Variants in KAT2A observed in about 807,000 individuals in gnomAD.
KAT2A encodes histone acetyltransferase KAT2A.
A neutral mutation model predicts 95.2 loss-of-function variants in KAT2A; 42 were observed. That is an observed-to-expected ratio of 0.44 (90% CI 0.34 to 0.57). KAT2A has a LOEUF of 0.57. Among genes scored for constraint, KAT2A ranks in the 20% least tolerant of loss-of-function variants. The pLI is 0.01. For missense variants in KAT2A, 784 were observed against 1,126.3 expected (o/e 0.70, Z 4.35); for synonymous variants, 449 against 448.2 (o/e 1.00, Z -0.02).
rs367632180 is a variant in KAT2A, at chr17:42,119,762, A to G, written c.700-44T>C. On this transcript the variant is annotated intron_variant, in intron 4 of 17. Transcript: ENST00000225916. This position sits in a 1 kb window ranked among gnomAD's most constrained non-coding sequence, Gnocchi z 5.3. ...GGGATAAAACCAGGAATGAGGTGTG[A>G]GCAGCCCGCAGGGCCTTCTTAGACA... is the stretch of plus-strand genomic sequence containing the variant. 31 of 1,510,272 alleles carry G rather than the reference A, an allele frequency of 2.1e-5. No individual in the cohort carries two copies. The highest frequency in any genetic ancestry group is 2.0e-4 in the Middle Eastern group (1 of 4,884). The allele number at this position is 1,510,272 out of a possible 1,614,324, so 93.6% of individuals were successfully genotyped here.
At position 42,118,338 on chromosome 17, in the gene KAT2A, GTGAAGC is replaced by G. The variant is rs781982398; in HGVS notation, c.1133_1138del (p.Gly378_Thr380delinsAla). 6.2e-7 allele frequency: 1 copy of G among 1,613,974 alleles called. No homozygotes were observed. The highest frequency in any genetic ancestry group is 1.7e-5 in the Admixed American group (1 of 60,016). On this transcript the variant is annotated inframe_deletion, in exon 7 of 18. Coordinates refer to ENST00000225916, the MANE Select transcript of KAT2A (RefSeq NM_021078.3). ...CTGTGTCCCCTCTGAGGGTGGCATG[GTGAAGC>G]CTGACTCCCAGATTGGAGAGTTTGC... is the stretch of plus-strand genomic sequence containing the variant.
At chr17:42,120,145 G>T in intron 3 of KAT2A, 26 bp from the exon 4 acceptor site, 1 of 1,613,754 alleles carries the variant, frequency 6.2e-7, no homozygotes, top group African/African-American at 1.3e-5. Context: ...AGGGGGCATA[G>T]AGGGGAGGGG....
chr17:42,114,712 A>G lies in KAT2A; in HGVS notation c.2020-108T>C. The G allele has an allele frequency of 8.5e-7, 1 of 1,169,654 alleles. No homozygotes were observed. Among genetic ancestry groups the G allele is most frequent in the Non-Finnish European group, 1.2e-6 (1 of 804,456 alleles). The allele number at this position is 1,169,654 out of a possible 1,614,324, so 72.5% of individuals were successfully genotyped here. Reference sequence around the variant, plus strand: ...ACCCACCCAGCTGCAACGCCACCTAATCCAGCACCTCCCCTCATAACTTCC... The same window carrying G: ...ACCCACCCAGCTGCAACGCCACCTAGTCCAGCACCTCCCCTCATAACTTCC... On this transcript the variant is annotated intron_variant, in intron 13 of 17. Coordinates refer to ENST00000225916, the MANE Select transcript of KAT2A (RefSeq NM_021078.3). This position sits in a 1 kb window ranked among gnomAD's most constrained non-coding sequence, Gnocchi z 6.0.
chr17:42,121,191 C>G lies in KAT2A; in HGVS notation c.114G>C (p.Pro38=), dbSNP rs1555667309. The change falls in exon 1 of 18, where the codon CCG becomes CCC. Residue 38 remains proline, a synonymous_variant. Coordinates refer to ENST00000225916, the MANE Select transcript of KAT2A (RefSeq NM_021078.3). ...CTGGTGCCGGGGTGGGAGTCGGAAT[C>G]GGGGCTGAAGCCGGGCTGGGTGCAG... ...PTPAPSPASA[P]IPTPTPAPAP... 2.9e-6 allele frequency: 4 copies of G among 1,376,276 alleles called. No homozygotes were observed. Among genetic ancestry groups the G allele is most frequent in the Non-Finnish European group, 9.6e-7 (1 of 1,036,614 alleles). 85.3% of individuals were successfully genotyped at this position (1,376,276 alleles called of 1,614,324 possible). A position where few individuals can be genotyped will look rare whatever the true frequency, so the allele number is the denominator to read the frequency against.
In KAT2A at chr17:42,121,324, A is replaced by G; in HGVS notation, c.-20T>C. 7.3e-7 allele frequency: 1 copy of G among 1,364,232 alleles called. No individual in the cohort carries two copies. The allele number at this position is 1,364,232 out of a possible 1,614,324, so 84.5% of individuals were successfully genotyped here. Reference sequence around the variant, plus strand: ...CGCCATGGCCTCCCCCGCAGCGGAGAGCGGCGCCGCGCTCCCAGCCCTAGG... The same window carrying G: ...CGCCATGGCCTCCCCCGCAGCGGAGGGCGGCGCCGCGCTCCCAGCCCTAGG... On this transcript the variant is annotated 5_prime_UTR_variant, in exon 1 of 18. Transcript: ENST00000225916.
intron 17 of KAT2A, 42 bp downstream of exon 17, chr17:42,113,958 G>A: frequency 6.7e-7 from 1 of 1,488,140 alleles, no homozygotes; most frequent in Non-Finnish European, 9.0e-7. Context: ...GCAGGTGTGG[G>A]GACAGAAGAG....
chr17:42,116,979 G>A (rs2054267463), intron 11 of KAT2A, 56 bp downstream of exon 11: 1 of 1,604,574 alleles, frequency 6.2e-7, no homozygotes, highest in South Asian at 1.1e-5. Flanking sequence ...CTCCGAACTG[G>A]CCCAAACTCA....
At chr17:42,118,188 T>C in intron 7 of KAT2A, 109 bp downstream of exon 7, 1 of 911,812 alleles carries the variant, frequency 1.1e-6, no homozygotes, top group Non-Finnish European at 1.7e-6. Context: ...CGGTGGCAGG[T>C]CCCTCAGTGG....
At chr17:42,116,469 G>A (rs1329478332) in intron 11 of KAT2A, among the ~76,000 whole-genome samples, 1 of 152,240 alleles carries the variant, frequency 6.6e-6, no homozygotes, top group Non-Finnish European at 1.5e-5. Context: ...TGTAATCCCA[G>A]CACTTTGGGA....
chr17:42,115,505 C>T (rs1158706094), intron 12 of KAT2A, among the ~76,000 whole-genome samples: 1 of 150,732 alleles, frequency 6.6e-6, no homozygotes, highest in East Asian at 2.0e-4. Flanking sequence ...GCTCTACTGA[C>T]CCCCAGTTCC....
chr17:42,119,918 C>T lies in KAT2A; in HGVS notation c.699+112G>A. 1 of 1,134,132 alleles carries T rather than the reference C, an allele frequency of 8.8e-7. No individual in the cohort carries two copies. The highest frequency in any genetic ancestry group is 2.4e-5 in the East Asian group (1 of 42,282). 70.3% of individuals were successfully genotyped at this position (1,134,132 alleles called of 1,614,324 possible). A position where few individuals can be genotyped will look rare whatever the true frequency, so the allele number is the denominator to read the frequency against. On this transcript the variant is annotated intron_variant, in intron 4 of 17. Coordinates refer to ENST00000225916, the MANE Select transcript of KAT2A (RefSeq NM_021078.3). The surrounding 1 kb of genome is among the most constrained non-coding windows in gnomAD (Gnocchi z 5.3). ...AGGTTAGCACAAAACACCCTTCCTT[C>T]TCTGAACCTCCCCAGTGTTCTCAGC...
Position 42,115,075 on chromosome 17 carries a change from A to G in KAT2A, c.1876-40T>C, listed in dbSNP as rs782095529. The stretch of plus-strand genomic sequence containing the variant: ...GTCATGACCCAGTCCATCCATAAGT[A>G]TTTCCCAACTTCTGTCGTCCCTCAC... On this transcript the variant is annotated intron_variant, in intron 12 of 17. Coordinates refer to ENST00000225916, the MANE Select transcript of KAT2A (RefSeq NM_021078.3). 11 of 1,603,154 alleles carry G rather than the reference A, an allele frequency of 6.9e-6. No individual in the cohort carries two copies. The South Asian group carries it at 1.1e-4, about 16-fold the overall frequency.
chr17:42,119,656 C>T lies in KAT2A; in HGVS notation c.762G>A (p.Met254Ile). The change falls in exon 5 of 18, where the codon ATG becomes ATA. Residue 254 changes from methionine to isoleucine, a missense_variant. Physicochemically the swap from Met to Ile is conservative, Grantham distance 10. This residue lies in a region of KAT2A where 208 missense variants were observed against 339.7 expected (regional missense o/e 0.61). Transcript: ENST00000225916. This position sits in a 1 kb window ranked among gnomAD's most constrained non-coding sequence, Gnocchi z 5.3. ...GCAAGAACATCTTTGAGAGCTCGAA[C>T]ATCGTCTGCCGCTCCCGGGGAGCCA... ...SHLAPRERQT[M>I]FELSKMFLLC... The T allele has an allele frequency of 6.2e-7, 1 of 1,613,966 alleles. No individual in the cohort carries two copies.
At chr17:42,115,223 CT>C (rs2054238382) in intron 12 of KAT2A, among the ~76,000 whole-genome samples, 188 bp from the exon 13 acceptor site, 1 of 152,040 alleles carries the variant, frequency 6.6e-6, no homozygotes. Context: ...CCACTCCTGA[CT>C]CATCCCGAAG....
In KAT2A at chr17:42,115,846, G is replaced by A. The variant is rs782289009; in HGVS notation, c.1765-13C>T. 4 of 1,480,144 alleles carry A rather than the reference G, an allele frequency of 2.7e-6. No individual in the cohort carries two copies. The highest frequency in any genetic ancestry group is 3.8e-6 in the Non-Finnish European group (4 of 1,057,978). 91.7% of individuals were successfully genotyped at this position (1,480,144 alleles called of 1,614,324 possible). A position where few individuals can be genotyped will look rare whatever the true frequency, so the allele number is the denominator to read the frequency against. ...GGGTCCCATAACCCTGCGGGGGAGG[G>A]AAGCAGGACTCACCAGGAGCTGAGG... On this transcript the variant is annotated splice_polypyrimidine_tract_variant and intron_variant, in intron 11 of 17. Transcript: ENST00000225916.
chr17:42,114,942 G>T lies in KAT2A; in HGVS notation c.1969C>A (p.Pro657Thr), dbSNP rs782115082. ...GACAGCTCCGTGTAGGGGATGCGGG[G>T]ATTCAGCTCACACTCCATCAGCGTC... is the stretch of plus-strand genomic sequence containing the variant. ...GATLMECELN[P>T]RIPYTELSHI... The change falls in exon 13 of 18, where the codon CCC becomes ACC. Residue 657 changes from proline (P) to threonine (T), a missense_variant. Coordinates refer to ENST00000225916, the MANE Select transcript of KAT2A (RefSeq NM_021078.3). This position sits in a 1 kb window ranked among gnomAD's most constrained non-coding sequence, Gnocchi z 6.0. The T allele has an allele frequency of 5.0e-6, 8 of 1,613,886 alleles. No individual in the cohort carries two copies. The highest frequency in any genetic ancestry group is 2.5e-6 in the Non-Finnish European group (3 of 1,179,954).
In KAT2A at chr17:42,113,502, G is replaced by A. The variant is rs1052597; in HGVS notation, c.*147C>T. 22 of 687,972 alleles carry A rather than the reference G, an allele frequency of 3.2e-5. No homozygotes were observed. In the African/African-American group the frequency reaches 3.7e-4, roughly 12 times the overall value. 42.6% of individuals were successfully genotyped at this position (687,972 alleles called of 1,614,324 possible). A position where few individuals can be genotyped will look rare whatever the true frequency, so the allele number is the denominator to read the frequency against. On this transcript the variant is annotated 3_prime_UTR_variant, in exon 18 of 18. Coordinates refer to ENST00000225916, the MANE Select transcript of KAT2A (RefSeq NM_021078.3). The stretch of plus-strand genomic sequence containing the variant: ...ACGCTTGGGGGTGCCTGAAGGTCCA[G>A]AAAGAGCTGCAGGATCGGGTCCGGA...
At chr17:42,118,490 A>G in intron 6 of KAT2A, 87 bp from the exon 7 acceptor site, 1 of 902,748 alleles carries the variant, frequency 1.1e-6, no homozygotes, top group South Asian at 1.4e-5. Context: ...GGCTGGTCAG[A>G]GACAGACCCT....
intron 11 of KAT2A, among the ~76,000 whole-genome samples, chr17:42,116,551 A>AACCCTGT (rs2054260981): frequency 6.6e-6 from 1 of 151,994 alleles, no homozygotes; most frequent in Non-Finnish European, 1.5e-5. Flanking sequence ...AACATGGTGA[A>AACCCTGT]ACCCTGTCTC....
Sources: allele counts gnomAD v4.1 joint callset (sites outside exome capture counted in the v4.1 genomes callset), GRCh38; gene constraint gnomAD v4.1.1; regional missense constraint gnomAD v4.1.1; non-coding constraint Gnocchi (gnomAD v3.1); transcripts MANE v1.5; gene names NCBI Gene and HGNC (gene_info 2026-07-23, HGNC 2026-07-21).